SYTL1: variants seen among roughly 807,000 people sequenced by gnomAD.
SYTL1 encodes the protein synaptotagmin like 1.
In SYTL1, 53 loss-of-function variants were observed where a neutral mutation model predicts 74.6. The ratio of observed to expected loss-of-function variants is 0.71; its 90% CI spans 0.57 to 0.89. The LOEUF is 0.89. Ranked by LOEUF, SYTL1 falls within the 40% of genes least tolerant of loss-of-function variation. The pLI is 0.00. For missense variants in SYTL1, 728 were observed against 768.7 expected (o/e 0.95, Z 0.63); for synonymous variants, 329 against 324.9 (o/e 1.01, Z -0.14).
Position 27,349,407 on chromosome 1 carries a change from A to G in SYTL1, c.542A>G (p.Gln181Arg), listed in dbSNP as rs1377825966. 2 of 1,447,094 alleles carry G rather than the reference A, an allele frequency of 1.4e-6. No individual in the cohort carries two copies. Among genetic ancestry groups the G allele is most frequent in the South Asian group, 3.0e-5 (2 of 67,636 alleles). The allele number at this position is 1,447,094 out of a possible 1,614,324, so 89.6% of individuals were successfully genotyped here. A position where few individuals can be genotyped will look rare whatever the true frequency, so the allele number is the denominator to read the frequency against. ...EASQAQEDPG[Q>R]GDQQVCAEEA... Reference sequence around the variant, plus strand: ...TCGTGCCCCACCCCAGATCCTGGCCAAGGAGACCAACAGGTCTGTGCCGAG... The same window carrying G: ...TCGTGCCCCACCCCAGATCCTGGCCGAGGAGACCAACAGGTCTGTGCCGAG... The change falls in exon 7 of 15, where the codon CAA becomes CGA. Residue 181 changes from glutamine (Q) to arginine (R), a missense_variant. Physicochemically the swap from Gln to Arg is conservative, Grantham distance 43. Transcript: ENST00000616558.
chr1:27,349,455 C>T lies in SYTL1; in HGVS notation c.590C>T (p.Pro197Leu), dbSNP rs2015143508. Residue 197 changes from proline (P) to leucine (L), a missense_variant, in exon 7 of 15, where the codon CCC (proline) becomes CTC (leucine). By Grantham distance (98) the Pro-to-Leu change is moderately conservative. Transcript: ENST00000616558. ...GAGGAGGCTGACCCGGAGCTGGAGC[C>T]CGCGTCGGGGGGAGAGCAGGAGCCG... Reference protein sequence around the residue: ...CAEEADPELEPASGGEQEPRP... With the variant: ...CAEEADPELELASGGEQEPRP... The T allele has an allele frequency of 6.9e-7, 1 of 1,453,496 alleles. No individual in the cohort carries two copies. The highest frequency in any genetic ancestry group is 2.5e-5 in the East Asian group (1 of 39,706). The allele number at this position is 1,453,496 out of a possible 1,614,324, so 90.0% of individuals were successfully genotyped here. A position where few individuals can be genotyped will look rare whatever the true frequency, so the allele number is the denominator to read the frequency against.
rs529851084 is a variant in SYTL1, at chr1:27,350,016, G to A, written c.792G>A (p.Val264=). The A allele has an allele frequency of 2.8e-4, 441 of 1,556,318 alleles. No individual in the cohort carries two copies. The highest frequency in any genetic ancestry group is 3.7e-4 in the Non-Finnish European group (430 of 1,160,396). Residue 264 remains valine (V), a synonymous_variant, in exon 9 of 15, where the codon GTG becomes GTA. Coordinates refer to ENST00000616558, the MANE Select transcript of SYTL1 (RefSeq NM_001193308.2). This position sits in a 1 kb window ranked among gnomAD's most constrained non-coding sequence, Gnocchi z 6.3. ...GCCTGTCAGGCGACGCGGAGGCGGT[G>A]CAGGTCCGCGGCTCCGTGCACTTCG... The part of the protein sequence containing the change: ...QMSLSGDAEA[V]QVRGSVHFAL...
In SYTL1 at chr1:27,350,258, AGC is replaced by A. The variant is rs1172956477; in HGVS notation, c.908+128_909-128del. The A allele has an allele frequency of 6.7e-7, 1 of 1,494,736 alleles. No homozygotes were observed. The highest frequency in any genetic ancestry group is 2.3e-5 in the East Asian group (1 of 43,874). The allele number at this position is 1,494,736 out of a possible 1,614,324, so 92.6% of individuals were successfully genotyped here. ...AGCGTTATTGGGAGGCGTGCGATTAAGCGAGACAATCCCTGTAAAGCGCTTAG... is the reference window on the plus strand; with the variant it reads ...AGCGTTATTGGGAGGCGTGCGATTAAGAGACAATCCCTGTAAAGCGCTTAG... On this transcript the variant is annotated intron_variant, in intron 9 of 14. Transcript: ENST00000616558. The surrounding 1 kb of genome is among the most constrained non-coding windows in gnomAD (Gnocchi z 6.3).
chr1:27,343,277 C>T lies in SYTL1; in HGVS notation c.-39+1127C>T, dbSNP rs566534503. On this transcript the variant is annotated intron_variant, in intron 1 of 14. Transcript: ENST00000616558. This position sits in a 1 kb window ranked among gnomAD's most constrained non-coding sequence, Gnocchi z 5.2. ...TTTCTTTCCGGAGTCACTGTGGTAC[C>T]TGAGCATGGGCTGCTGCGCTAGCCT... 6.5e-6 allele frequency: 1 copy of T among 152,856 alleles called. No individual in the cohort carries two copies. Among genetic ancestry groups the T allele is most frequent in the East Asian group, 1.9e-4 (1 of 5,198 alleles). The allele number at this position is 152,856 out of a possible 1,614,324, so 9.5% of individuals were successfully genotyped here.
Position 27,349,407 on chromosome 1 carries a change from AAGGAGACCAAC to A in SYTL1, c.546_556del (p.Asp183LeufsTer6). ...TCGTGCCCCACCCCAGATCCTGGCC[AAGGAGACCAAC>A]AGGTCTGTGCCGAGGAGGCTGACCC... On this transcript the variant is annotated frameshift_variant, in exon 7 of 15. Transcript: ENST00000616558. LOFTEE classifies it high-confidence loss of function. 1 of 1,447,094 alleles carries A rather than the reference AAGGAGACCAAC, an allele frequency of 6.9e-7. No homozygotes were observed. Among genetic ancestry groups the A allele is most frequent in the Non-Finnish European group, 9.1e-7 (1 of 1,097,826 alleles). The allele number at this position is 1,447,094 out of a possible 1,614,324, so 89.6% of individuals were successfully genotyped here. A position where few individuals can be genotyped will look rare whatever the true frequency, so the allele number is the denominator to read the frequency against.
Position 27,351,394 on chromosome 1 carries a change from T to A in SYTL1, c.1243+58T>A. 6.6e-7 allele frequency: 1 copy of A among 1,505,928 alleles called. No individual in the cohort carries two copies. Among genetic ancestry groups the A allele is most frequent in the Non-Finnish European group, 8.9e-7 (1 of 1,121,616 alleles). 93.3% of individuals were successfully genotyped at this position (1,505,928 alleles called of 1,614,324 possible). On this transcript the variant is annotated intron_variant, in intron 12 of 14. Transcript: ENST00000616558. This position sits in a 1 kb window ranked among gnomAD's most constrained non-coding sequence, Gnocchi z 5.0. Reference sequence around the variant, plus strand: ...CGCCCTGAAAAGCGGGAGACTCCAGTCCCCGGGTTTGGGGGCGGTGGACTC... The same window carrying A: ...CGCCCTGAAAAGCGGGAGACTCCAGACCCCGGGTTTGGGGGCGGTGGACTC...
At position 27,351,150 on chromosome 1, in the gene SYTL1, C is replaced by CA; in HGVS notation, c.1165-107dup. The stretch of plus-strand genomic sequence containing the variant: ...CTAGGACCCCTAGGTTCTGCCCCTG[C>CA]AGGCCCCGCCGTCTCTTCTAGCCGC... On this transcript the variant is annotated intron_variant, in intron 11 of 14. Coordinates refer to ENST00000616558, the MANE Select transcript of SYTL1 (RefSeq NM_001193308.2). The surrounding 1 kb of genome is among the most constrained non-coding windows in gnomAD (Gnocchi z 5.0). The CA allele has an allele frequency of 7.2e-7, 1 of 1,396,252 alleles. No individual in the cohort carries two copies. The highest frequency in any genetic ancestry group is 9.7e-7 in the Non-Finnish European group (1 of 1,028,756). The allele number at this position is 1,396,252 out of a possible 1,614,324, so 86.5% of individuals were successfully genotyped here.
In SYTL1 at chr1:27,342,735, T is replaced by C. The variant is rs2014825816; in HGVS notation, c.-39+585T>C. On this transcript the variant is annotated intron_variant, in intron 1 of 14. Transcript: ENST00000616558. The surrounding 1 kb of genome is among the most constrained non-coding windows in gnomAD (Gnocchi z 4.7). ...ACAGGACACAAAGACACACAGCAACTACACAGCTCACAGACTCACGCAACG... is the reference window on the plus strand; with the variant it reads ...ACAGGACACAAAGACACACAGCAACCACACAGCTCACAGACTCACGCAACG... Among the ~76,000 whole-genome samples the C allele has an allele frequency of 6.6e-6, 1 of 152,048 alleles. No homozygotes were observed. The highest frequency in any genetic ancestry group is 2.1e-4 in the South Asian group (1 of 4,812).
At position 27,351,682 on chromosome 1, in the gene SYTL1, G is replaced by A; in HGVS notation, c.1343+127G>A. The A allele has an allele frequency of 1.6e-6, 1 of 639,246 alleles. No individual in the cohort carries two copies. The highest frequency in any genetic ancestry group is 1.9e-5 in the African/African-American group (1 of 53,292). 39.6% of individuals were successfully genotyped at this position (639,246 alleles called of 1,614,324 possible). On this transcript the variant is annotated intron_variant, in intron 13 of 14. Coordinates refer to ENST00000616558, the MANE Select transcript of SYTL1 (RefSeq NM_001193308.2). The surrounding 1 kb of genome is among the most constrained non-coding windows in gnomAD (Gnocchi z 5.0). Reference sequence around the variant, plus strand: ...GCTTTCACCACTGAGCAGGGGTGAAGGGGACGGTTTGAGCAAAGGCCTGGA... The same window carrying A: ...GCTTTCACCACTGAGCAGGGGTGAAAGGGACGGTTTGAGCAAAGGCCTGGA...
In SYTL1 at chr1:27,350,325, G is replaced by A. The variant is rs1298224560; in HGVS notation, c.909-64G>A. 1.3e-6 allele frequency: 2 copies of A among 1,527,684 alleles called. No individual in the cohort carries two copies. The highest frequency in any genetic ancestry group is 2.7e-5 in the African/African-American group (2 of 73,282). The allele number at this position is 1,527,684 out of a possible 1,614,324, so 94.6% of individuals were successfully genotyped here. On this transcript the variant is annotated intron_variant, in intron 9 of 14. Coordinates refer to ENST00000616558, the MANE Select transcript of SYTL1 (RefSeq NM_001193308.2). This position sits in a 1 kb window ranked among gnomAD's most constrained non-coding sequence, Gnocchi z 6.3. ...CGTGTTCGGGATGGTGGCTGGGGGA[G>A]CCCACAGGCAGGGGAGAAGGCTCTG...
In SYTL1 at chr1:27,345,400, T is replaced by A; in HGVS notation, c.66T>A (p.His22Gln). The A allele has an allele frequency of 6.4e-7, 1 of 1,558,506 alleles. No individual in the cohort carries two copies. Among genetic ancestry groups the A allele is most frequent in the Non-Finnish European group, 8.7e-7 (1 of 1,150,494 alleles). The change falls in exon 2 of 15, where the codon CAT becomes CAA. Residue 22 changes from histidine (H) to glutamine (Q), a missense_variant. Coordinates refer to ENST00000616558, the MANE Select transcript of SYTL1 (RefSeq NM_001193308.2). The surrounding 1 kb of genome is among the most constrained non-coding windows in gnomAD (Gnocchi z 6.0). ...LWALPSLPMA[H>Q]GPKPETEGLL... is the part of the protein sequence containing the mutation. ...CTCTGCCCTCCCTCCCCATGGCGCATGGGCCAAAGCCTGAGACTGAAGGAC... is the reference window on the plus strand; with the variant it reads ...CTCTGCCCTCCCTCCCCATGGCGCAAGGGCCAAAGCCTGAGACTGAAGGAC...
In SYTL1 at chr1:27,348,116, G is replaced by A. The variant is rs1438955161; in HGVS notation, c.459+104G>A. ...CCCAGCCTGGGAATGGGGAGACCCT[G>A]GAAATGTTCCTTCCTGTGTCTGCAC... On this transcript the variant is annotated intron_variant, in intron 5 of 14. Coordinates refer to ENST00000616558, the MANE Select transcript of SYTL1 (RefSeq NM_001193308.2). The surrounding 1 kb of genome is among the most constrained non-coding windows in gnomAD (Gnocchi z 4.1). 2.6e-6 allele frequency: 3 copies of A among 1,143,192 alleles called. No homozygotes were observed. Among genetic ancestry groups the A allele is most frequent in the South Asian group, 1.3e-5 (1 of 79,042 alleles). The allele number at this position is 1,143,192 out of a possible 1,614,324, so 70.8% of individuals were successfully genotyped here.
Position 27,350,680 on chromosome 1 carries a change from GC to G in SYTL1, c.1006-113del. On this transcript the variant is annotated intron_variant, in intron 10 of 14. Coordinates refer to ENST00000616558, the MANE Select transcript of SYTL1 (RefSeq NM_001193308.2). This position sits in a 1 kb window ranked among gnomAD's most constrained non-coding sequence, Gnocchi z 6.3. ...CAGGTCCCCATTAATGCCCTTAGGG[GC>G]TCCCCAGAATTCCATCATGGTAGGA... 1 of 1,336,572 alleles carries G rather than the reference GC, an allele frequency of 7.5e-7. No individual in the cohort carries two copies. Among genetic ancestry groups the G allele is most frequent in the Non-Finnish European group, 1.0e-6 (1 of 966,276 alleles). 82.8% of individuals were successfully genotyped at this position (1,336,572 alleles called of 1,614,324 possible).
Position 27,345,364 on chromosome 1 carries a change from G to GGGGCTTT in SYTL1, c.36_42dup (p.Pro16GlyfsTer14), listed in dbSNP as rs755935528. On this transcript the variant is annotated frameshift_variant, in exon 2 of 15. Coordinates refer to ENST00000616558, the MANE Select transcript of SYTL1 (RefSeq NM_001193308.2). LOFTEE classifies it high-confidence loss of function. The surrounding 1 kb of genome is among the most constrained non-coding windows in gnomAD (Gnocchi z 6.0). ...CCCAGAGGGGCCACCCATCGCAAGA[G>GGGGCTTT]GGGCTTTGGGCTCTGCCCTCCCTCC... 13 of 1,543,112 alleles carry GGGGCTTT rather than the reference G, an allele frequency of 8.4e-6. No homozygotes were observed. The highest frequency in any genetic ancestry group is 9.6e-6 in the Non-Finnish European group (11 of 1,143,434).
At position 27,353,402 on chromosome 1, in the gene SYTL1, G is replaced by T; in HGVS notation, c.1463G>T (p.Arg488Leu). 1.2e-6 allele frequency: 2 copies of T among 1,611,388 alleles called. No homozygotes were observed. The highest frequency in any genetic ancestry group is 1.7e-6 in the Non-Finnish European group (2 of 1,179,242). Residue 488 changes from arginine (R) to leucine (L), a missense_variant, in exon 14 of 15, where the codon CGC becomes CTC. Transcript: ENST00000616558. ...GATGGCTTTGGGCCTGCTGACCTGC[G>T]CCAGGCTTGTGCCGAGCTCTCCCTC... ...VYDGFGPADLRQACAELSLWD... is the reference protein window; with the variant it reads ...VYDGFGPADLLQACAELSLWD...
Position 27,349,432 on chromosome 1 carries a change from G to A in SYTL1, c.567G>A (p.Glu189=). 6.9e-7 allele frequency: 1 copy of A among 1,453,238 alleles called. No homozygotes were observed. Among genetic ancestry groups the A allele is most frequent in the Non-Finnish European group, 9.1e-7 (1 of 1,102,362 alleles). The allele number at this position is 1,453,238 out of a possible 1,614,324, so 90.0% of individuals were successfully genotyped here. Residue 189 remains glutamate (E), a synonymous_variant, in exon 7 of 15, where the codon GAG becomes GAA. Transcript: ENST00000616558. ...AAGGAGACCAACAGGTCTGTGCCGA[G>A]GAGGCTGACCCGGAGCTGGAGCCCG... is the stretch of plus-strand genomic sequence containing the variant. The part of the protein sequence containing the change: ...PGQGDQQVCA[E]EADPELEPAS...
rs2014868886 is a variant in SYTL1 at position 27,343,588 on chromosome 1, A to G, written c.-39+1438A>G. On this transcript the variant is annotated intron_variant, in intron 1 of 14. Coordinates refer to ENST00000616558, the MANE Select transcript of SYTL1 (RefSeq NM_001193308.2). The surrounding 1 kb of genome is among the most constrained non-coding windows in gnomAD (Gnocchi z 5.2). ...GTTCCTGGTGCGGGGGAGTGAGCAG[A>G]TGTGTGTGTGTGTACGTGTGTGTGT... is the stretch of plus-strand genomic sequence containing the variant. 6.8e-6 allele frequency among the ~76,000 whole-genome samples: 1 copy of G among 148,004 alleles called. No individual in the cohort carries two copies. The highest frequency in any genetic ancestry group is 1.5e-5 in the Non-Finnish European group (1 of 66,378).
chr1:27,347,255 C>T lies in SYTL1; in HGVS notation c.192-166C>T, dbSNP rs2015036969. ...ATCCACCTCACTACAGTGTACTTGT[C>T]TCTTCTGGACTTGGTCTCCCCAGCA... On this transcript the variant is annotated intron_variant, in intron 2 of 14. Transcript: ENST00000616558. The surrounding 1 kb of genome is among the most constrained non-coding windows in gnomAD (Gnocchi z 4.9). Among the ~76,000 whole-genome samples the T allele has an allele frequency of 6.6e-6, 1 of 152,236 alleles. No homozygotes were observed.
Position 27,342,164 on chromosome 1 carries a change from GTGCCAGGGTCCCC to G in SYTL1, c.-39+26_-39+38del, listed in dbSNP as rs1472359684. Reference sequence around the variant, plus strand: ...GGACCCCTACAGGTAACACGTGTCGGTGCCAGGGTCCCCTGCCAGGGTCCAGAGACGCAGGCAC... The same window carrying G: ...GGACCCCTACAGGTAACACGTGTCGGTGCCAGGGTCCAGAGACGCAGGCAC... On this transcript the variant is annotated intron_variant, in intron 1 of 14. Transcript: ENST00000616558. This position sits in a 1 kb window ranked among gnomAD's most constrained non-coding sequence, Gnocchi z 4.7. The G allele has an allele frequency of 1.8e-5, 3 of 168,070 alleles. No individual in the cohort carries two copies. The highest frequency in any genetic ancestry group is 3.6e-5 in the Non-Finnish European group (3 of 82,626). 10.4% of individuals were successfully genotyped at this position (168,070 alleles called of 1,614,324 possible).
Sources: allele counts gnomAD v4.1 joint callset (sites outside exome capture counted in the v4.1 genomes callset), GRCh38; gene constraint gnomAD v4.1.1; non-coding constraint Gnocchi (gnomAD v3.1); transcripts MANE v1.5; gene names NCBI Gene and HGNC (gene_info 2026-07-23, HGNC 2026-07-21).